MRTFB: variants seen among roughly 807,000 people sequenced by gnomAD.
The protein encoded by MRTFB is myocardin-related transcription factor B.
MRTFB carries 29 observed loss-of-function variants against 104.2 expected under a neutral mutation model. The ratio of observed to expected loss-of-function variants is 0.28; its 90% CI spans 0.21 to 0.38. The LOEUF (loss-of-function observed/expected upper bound fraction) is 0.38, where lower values mean the gene tolerates loss of function less well. MRTFB is among the 10% of genes least tolerant of loss of function. The probability of loss-of-function intolerance (pLI) is 1.00; values close to 1 mark genes in which losing one functional copy is unlikely to be tolerated. For synonymous variants in MRTFB, 535 were observed against 519.5 expected (o/e 1.03, Z -0.41); for missense variants, 1,270 against 1,341.6 (o/e 0.95, Z 0.83).
the MRTFB span, among the ~76,000 whole-genome samples, chr16:13,998,853 C>T: frequency 2.7e-5 from 3 of 113,050 alleles, no homozygotes; most frequent in Admixed American, 3.9e-4. Flanking sequence ...GCCTGAGTGA[C>T]AGAGTGAGAC....
At chr16:14,030,670 C>T in the MRTFB span, among the ~76,000 whole-genome samples, 6 of 152,244 alleles carry the variant, frequency 3.9e-5, no homozygotes, top group Non-Finnish European at 7.3e-5. Context: ...ACTTTACAGA[C>T]GAGGAAACAA....
the MRTFB span, among the ~76,000 whole-genome samples, chr16:14,001,354 G>A: frequency 6.6e-6 from 1 of 152,160 alleles, no homozygotes; most frequent in South Asian, 2.1e-4. Flanking sequence ...TCCTCATAGG[G>A]GATACAGGGG....
intron 3 of MRTFB, among the ~76,000 whole-genome samples, chr16:14,176,276 G>C (rs930050738): frequency 2.6e-5 from 4 of 152,166 alleles, no homozygotes; most frequent in Non-Finnish European, 5.9e-5. Flanking sequence ...TGAAACACTG[G>C]AATAGATCTT....
intron 8 of MRTFB, among the ~76,000 whole-genome samples, chr16:14,228,828 A>C (rs1793028839): frequency 6.6e-6 from 1 of 152,200 alleles, no homozygotes; most frequent in African/African-American, 2.4e-5. Context: ...AAAAAGACAA[A>C]TACTGTGTGA....
intron 2 of MRTFB, among the ~76,000 whole-genome samples, chr16:14,086,060 G>T (rs1218307272): frequency 6.6e-6 from 1 of 152,174 alleles, no homozygotes; most frequent in African/African-American, 2.4e-5. Context: ...AGCTAAAATG[G>T]ATGTCCCAAA....
At chr16:14,245,812 C>T (rs2042986960) in intron 11 of MRTFB, 152 bp downstream of exon 11, 2 of 918,452 alleles carry the variant, frequency 2.2e-6, no homozygotes, top group Non-Finnish European at 3.1e-6. Context: ...TTTCTTTTTA[C>T]TTCCACTAAG....
the MRTFB span, among the ~76,000 whole-genome samples, chr16:14,016,599 G>A: frequency 6.6e-6 from 1 of 151,770 alleles, no homozygotes; most frequent in Non-Finnish European, 1.5e-5. Flanking sequence ...ATGGAGAAAC[G>A]CTGTCTCTAC....
intron 9 of MRTFB, among the ~76,000 whole-genome samples, chr16:14,234,797 T>TAA (rs201458806): frequency 2.0e-5 from 3 of 150,394 alleles, no homozygotes; most frequent in African/African-American, 7.3e-5. Context: ...CCTGTCTCTT[T>TAA]AAAAAAAAAC....
Position 14,252,374 on chromosome 16 carries a change from C to A in MRTFB, c.2575C>A (p.Pro859Thr), listed in dbSNP as rs753763437. The change falls in exon 15 of 17, where the codon CCC (proline) becomes ACC (threonine). Residue 859 changes from proline (P) to threonine (T), a missense_variant. Transcript: ENST00000571589. Reference protein sequence around the residue: ...GPNTPNKPSSPPPPQQFVVQH... With the variant: ...GPNTPNKPSSTPPPQQFVVQH... ...CCTTTATTTGACACAGCCTAGTTCA[C>A]CCCCGCCACCCCAGCAATTTGTCGT... is the stretch of plus-strand genomic sequence containing the variant. 6.8e-6 allele frequency: 11 copies of A among 1,612,442 alleles called. No individual in the cohort carries two copies. The highest frequency in any genetic ancestry group is 2.2e-5 in the East Asian group (1 of 44,810).
At chr16:14,090,798 G>C (rs927952646) in intron 2 of MRTFB, among the ~76,000 whole-genome samples, 5 of 152,064 alleles carry the variant, frequency 3.3e-5, no homozygotes, top group African/African-American at 1.2e-4. Context: ...TGTAGATAGA[G>C]GTGTGACGAC....
chr16:14,147,191 G>C (rs924538071), intron 3 of MRTFB, among the ~76,000 whole-genome samples: 3 of 152,194 alleles, frequency 2.0e-5, no homozygotes, highest in Non-Finnish European at 4.4e-5. Flanking sequence ...TATATACTCT[G>C]TGAATATAAT....
At position 14,258,127 on chromosome 16, in the gene MRTFB, G is replaced by T; in HGVS notation, c.2730G>T (p.Met910Ile). ...PEISNAHSQQ[M>I]DDLFDILIKS... ...TTTCCAACGCTCACAGTCAGCAGAT[G>T]GATGACCTCTTTGATATCCTCATTA... The change falls in exon 16 of 17, where the codon ATG becomes ATT. Residue 910 changes from methionine (M) to isoleucine (I), a missense_variant. By Grantham distance (10) the Met-to-Ile change is conservative (BLOSUM62 1). Coordinates refer to ENST00000571589, the MANE Select transcript of MRTFB (RefSeq NM_001308142.2). 6.2e-7 allele frequency: 1 copy of T among 1,613,948 alleles called. No homozygotes were observed. The highest frequency in any genetic ancestry group is 1.1e-5 in the South Asian group (1 of 91,056).
intron 3 of MRTFB, among the ~76,000 whole-genome samples, chr16:14,193,161 T>C (rs139206999): frequency 1.0e-3 from 135 of 132,086 alleles, no homozygotes; most frequent in South Asian, 6.4e-3. Context: ...GGAGTGATCA[T>C]TGTATTGCGT....
At chr16:14,057,146 G>T in the MRTFB span, among the ~76,000 whole-genome samples, 7 of 152,174 alleles carry the variant, frequency 4.6e-5, no homozygotes, top group South Asian at 1.2e-3. Flanking sequence ...TATCGGCAGT[G>T]GGGGTGCAAG....
the MRTFB span, among the ~76,000 whole-genome samples, chr16:14,036,946 C>T: frequency 2.8e-3 from 394 of 138,746 alleles, no homozygotes; most frequent in Admixed American, 5.4e-3. Context: ...GTCAAGTTCA[C>T]ACTGCCAGAT....
In MRTFB at chr16:14,105,453, G is replaced by A. The variant is rs1012036598; in HGVS notation, c.-64+26099G>A. On this transcript the variant is annotated intron_variant, in intron 2 of 16. Coordinates refer to ENST00000571589, the MANE Select transcript of MRTFB (RefSeq NM_001308142.2). ...CGCTCTGTTGCCCAGGCATCAGTGC[G>A]GTGGCATAACCATGGCTCACTGCAG... Among the ~76,000 whole-genome samples, 9 of 151,534 alleles carry A rather than the reference G, an allele frequency of 5.9e-5. No homozygotes were observed. In the South Asian group the frequency reaches 1.0e-3, roughly 18 times the overall value.
At chr16:14,161,926 C>G (rs1277548157) in intron 3 of MRTFB, among the ~76,000 whole-genome samples, 1 of 151,998 alleles carries the variant, frequency 6.6e-6, no homozygotes, top group African/African-American at 2.4e-5. Context: ...CTGGTATAAC[C>G]ATTTGAGAAA....
chr16:14,252,289 G>A lies in MRTFB; in HGVS notation c.2566-76G>A, dbSNP rs564534405. ...TGATTTGGCCACTACATAGAGAACAGCAGAGCCGAGTCTAGCCAGGAAAAG... is the reference window on the plus strand; with the variant it reads ...TGATTTGGCCACTACATAGAGAACAACAGAGCCGAGTCTAGCCAGGAAAAG... On this transcript the variant is annotated intron_variant, in intron 14 of 16. Transcript: ENST00000571589. The A allele has an allele frequency of 4.7e-5, 73 of 1,558,188 alleles. No homozygotes were observed. The East Asian group carries it at 1.4e-3, about 30-fold the overall frequency.
chr16:14,062,311 G>A, the MRTFB span, among the ~76,000 whole-genome samples: 1 of 151,698 alleles, frequency 6.6e-6, no homozygotes, highest in Non-Finnish European at 1.5e-5. Context: ...TGTTGCCTAG[G>A]CTGGCTTTGA....
Sources: allele counts gnomAD v4.1 joint callset (sites outside exome capture counted in the v4.1 genomes callset), GRCh38; gene constraint gnomAD v4.1.1; transcripts MANE v1.5; gene names NCBI Gene and HGNC (gene_info 2026-07-23, HGNC 2026-07-21).